WAPL: variants seen among roughly 807,000 people sequenced by gnomAD.
The protein encoded by WAPL is wings apart-like protein homolog.
A neutral mutation model predicts 121.0 loss-of-function variants in WAPL; 5 were observed. The ratio of observed to expected loss-of-function variants is 0.04; its 90% CI spans 0.02 to 0.09. The LOEUF (loss-of-function observed/expected upper bound fraction) is 0.09. Ranked by LOEUF, WAPL falls within the 10% of genes least tolerant of loss-of-function variation. WAPL has a pLI of 1.00. For synonymous variants in WAPL, 480 were observed against 481.5 expected (o/e 1.00, Z 0.04); for missense variants, 999 against 1,410.8 (o/e 0.71, Z 4.68).
chr10:86,458,790 T>C (rs976793948), intron 12 of WAPL, among the ~76,000 whole-genome samples, 199 bp downstream of exon 12: 5 of 152,186 alleles, frequency 3.3e-5, no homozygotes, highest in Non-Finnish European at 4.4e-5. Flanking sequence ...GCTGAAATTA[T>C]CAAGCTGGAA....
chr10:86,494,130 T>G (rs1259611155), intron 4 of WAPL, among the ~76,000 whole-genome samples: 1 of 152,244 alleles, frequency 6.6e-6, no homozygotes, highest in Non-Finnish European at 1.5e-5. Context: ...TTCTAACTGC[T>G]ACATACTATG....
In WAPL at chr10:86,500,464, A is replaced by G; in HGVS notation, c.779T>C (p.Leu260Pro). 6.2e-7 allele frequency: 1 copy of G among 1,614,238 alleles called. No homozygotes were observed. Among genetic ancestry groups the G allele is most frequent in the Non-Finnish European group, 8.5e-7 (1 of 1,180,044 alleles). The stretch of plus-strand genomic sequence containing the variant: ...AAAATCGTCATCCTTCATCTCCAAA[A>G]GGGGATCACTATCCAAACTTAAAAT... The part of the protein sequence containing the change: ...DCILSLDSDP[L>P]LEMKDDDFKN... The change falls in exon 3 of 19, where the codon CTT (leucine) becomes CCT (proline). Residue 260 changes from leucine (L) to proline (P), a missense_variant. Leu to Pro is a moderately conservative substitution (Grantham distance 98). This residue lies in a region of WAPL where 531 missense variants were observed against 563.1 expected (regional missense o/e 0.94). Transcript: ENST00000298767.
intron 2 of WAPL, among the ~76,000 whole-genome samples, chr10:86,508,075 T>C (rs190629430): frequency 5.3e-5 from 8 of 152,260 alleles, no homozygotes; most frequent in Admixed American, 5.2e-4. Flanking sequence ...ACACACTAGG[T>C]AGATTAGTGA....
intron 12 of WAPL, among the ~76,000 whole-genome samples, chr10:86,457,575 TC>T (rs1841180998): frequency 1.3e-5 from 2 of 151,346 alleles, no homozygotes; most frequent in South Asian, 4.2e-4. Flanking sequence ...ATCATGTGAA[TC>T]CAGAAGGCAG....
At chr10:86,467,792 T>TCA (rs1357422001) in intron 8 of WAPL, among the ~76,000 whole-genome samples, 1 of 151,658 alleles carries the variant, frequency 6.6e-6, no homozygotes, top group Non-Finnish European at 1.5e-5. Flanking sequence ...TTCTCCTGCC[T>TCA]CAGCCTCCTG....
chr10:86,453,372 A>G (rs1156369561), intron 13 of WAPL, 37 bp from the exon 14 acceptor site: 1 of 1,592,602 alleles, frequency 6.3e-7, no homozygotes, highest in Non-Finnish European at 8.6e-7. Flanking sequence ...ATGGTTACTG[A>G]TTCTTCCTTA....
Position 86,453,256 on chromosome 10 carries a change from G to A in WAPL, c.2913C>T (p.Tyr971=), listed in dbSNP as rs1251508203. The A allele has an allele frequency of 3.1e-6, 5 of 1,613,968 alleles. No individual in the cohort carries two copies. Among genetic ancestry groups the A allele is most frequent in the Non-Finnish European group, 4.2e-6 (5 of 1,180,022 alleles). ...ALNCVLQVPK[Y]LPQEQRFDIR... is the part of the protein sequence containing the mutation. ...TATCAAATCTCTGCTCCTGAGGTAG[G>A]TACTTTGGAACCTGAAGCACACAGT... Residue 971 remains tyrosine (Y), a synonymous_variant, in exon 14 of 19, where the codon TAC becomes TAT. Transcript: ENST00000298767.
intron 5 of WAPL, 83 bp downstream of exon 5, chr10:86,473,795 T>C (rs141412662): frequency 8.9e-7 from 1 of 1,128,382 alleles, no homozygotes; most frequent in East Asian, 2.4e-5. Context: ...AAGTCAAAGA[T>C]TTACAAATTA....
chr10:86,442,202 T>G (rs2132163843), intron 17 of WAPL, among the ~76,000 whole-genome samples: 1 of 152,250 alleles, frequency 6.6e-6, no homozygotes, highest in East Asian at 1.9e-4. Context: ...CAGCAAATTT[T>G]TATATTTTTA....
At chr10:86,490,901 A>C in intron 4 of WAPL, among the ~76,000 whole-genome samples, 1 of 151,400 alleles carries the variant, frequency 6.6e-6, no homozygotes, top group African/African-American at 2.4e-5. Context: ...CATCTCTACT[A>C]AAAATACAAA....
At chr10:86,507,417 C>T (rs1842373553) in intron 2 of WAPL, among the ~76,000 whole-genome samples, 1 of 147,494 alleles carries the variant, frequency 6.8e-6, no homozygotes. Flanking sequence ...AAGGCTTGTG[C>T]TAGTTACCCT....
At chr10:86,493,777 G>A (rs539870051) in intron 4 of WAPL, among the ~76,000 whole-genome samples, 1 of 152,042 alleles carries the variant, frequency 6.6e-6, no homozygotes, top group Non-Finnish European at 1.5e-5. Flanking sequence ...CAAAGCAGGT[G>A]GATCACCTGA....
At chr10:86,462,434 G>A (rs771782070) in intron 9 of WAPL, among the ~76,000 whole-genome samples, 1 of 152,002 alleles carries the variant, frequency 6.6e-6, no homozygotes, top group Non-Finnish European at 1.5e-5. Context: ...AGTTGTTCTC[G>A]GCCAGGTGCG....
intron 4 of WAPL, among the ~76,000 whole-genome samples, chr10:86,496,861 G>A (rs907965661): frequency 1.4e-5 from 2 of 142,918 alleles, no homozygotes; most frequent in South Asian, 2.4e-4. Flanking sequence ...GAGACAGAGT[G>A]GAATAGTATT....
chr10:86,451,328 A>G (rs1840972324), intron 15 of WAPL, among the ~76,000 whole-genome samples: 1 of 152,184 alleles, frequency 6.6e-6, no homozygotes, highest in Admixed American at 6.5e-5. Flanking sequence ...AAAATCAGCA[A>G]AATAAAGTAA....
chr10:86,491,155 TTTA>T (rs1352369850), intron 4 of WAPL, among the ~76,000 whole-genome samples: 2 of 145,806 alleles, frequency 1.4e-5, no homozygotes, highest in African/African-American at 5.1e-5. Context: ...TTTTTTTTTT[TTTA>T]AGACGGAGTC....
chr10:86,519,882 G>A (rs1164307333), intron 1 of WAPL, among the ~76,000 whole-genome samples: 3 of 152,188 alleles, frequency 2.0e-5, no homozygotes, highest in Admixed American at 1.3e-4. Context: ...GTTCCTTTAT[G>A]CCAACATCAG....
intron 12 of WAPL, among the ~76,000 whole-genome samples, chr10:86,457,327 T>TAAAAAAAA (rs10668599): frequency 2.2e-4 from 24 of 111,196 alleles, no homozygotes; most frequent in African/African-American, 9.2e-4. Context: ...CTGTATCTAT[T>TAAAAAAAA]AAAAAAAAAA....
rs147364220 is a variant in WAPL at position 86,502,886 on chromosome 10, G to A, written c.500-2143C>T. Among the ~76,000 whole-genome samples, 297 of 152,366 alleles carry A rather than the reference G, an allele frequency of 1.9e-3. 3 individuals carry two copies. The highest frequency in any genetic ancestry group is 5.4e-3 in the African/African-American group (224 of 41,592). ...TAAACACTAAAATGCTAGGCCAGGC[G>A]TGGTGGCTCATGCCTGTAATCCCAG... On this transcript the variant is annotated intron_variant, in intron 2 of 18. Coordinates refer to ENST00000298767, the MANE Select transcript of WAPL (RefSeq NM_015045.5).
Sources: allele counts gnomAD v4.1 joint callset (sites outside exome capture counted in the v4.1 genomes callset), GRCh38; gene constraint gnomAD v4.1.1; regional missense constraint gnomAD v4.1.1; transcripts MANE v1.5; gene names NCBI Gene and HGNC (gene_info 2026-07-23, HGNC 2026-07-21).